Variants in CNTN5 observed in about 807,000 individuals in gnomAD.
The protein encoded by CNTN5 is contactin 5.
Under a neutral mutation model 129.1 loss-of-function variants are expected in CNTN5, and 77 were observed. That is an observed-to-expected ratio of 0.60 (90% confidence interval 0.50 to 0.72). CNTN5 has a LOEUF of 0.72. Among genes scored for constraint, CNTN5 ranks in the 30% least tolerant of loss-of-function variants. The pLI is 0.00. For synonymous variants in CNTN5, 509 were observed against 465.6 expected, an observed-to-expected ratio of 1.09 and a Z score of -1.20; for missense variants, 1,478 against 1,328.8, an observed-to-expected ratio of 1.11 and a Z score of -1.75.
At chr11:99,598,292 T>TCCC (rs1565335467) in intron 3 of CNTN5, among the ~76,000 whole-genome samples, 1 of 5,406 alleles carries the variant, frequency 1.8e-4, no homozygotes, top group Non-Finnish European at 6.3e-4. Context: ...TTCTTTTCTT[T>TCCC]TCTTTTCTTT....
intron 3 of CNTN5, among the ~76,000 whole-genome samples, chr11:99,764,987 C>A (rs184734948): frequency 6.6e-6 from 1 of 152,060 alleles, no homozygotes; most frequent in African/African-American, 2.4e-5. Context: ...TCACATATAT[C>A]TACTGTATCA....
intron 6 of CNTN5, among the ~76,000 whole-genome samples, chr11:99,850,050 A>G (rs143695220): frequency 2.6e-4 from 39 of 152,244 alleles, no homozygotes; most frequent in South Asian, 6.2e-4. Flanking sequence ...GCATGCAATC[A>G]TAGTGTTCTG....
At chr11:99,347,198 G>A (rs897618532) in intron 2 of CNTN5, among the ~76,000 whole-genome samples, 1 of 152,086 alleles carries the variant, frequency 6.6e-6, no homozygotes, top group African/African-American at 2.4e-5. Flanking sequence ...TTATTCTCTA[G>A]GCCATGTCTT....
At chr11:99,839,945 A>G (rs1947428483) in intron 4 of CNTN5, among the ~76,000 whole-genome samples, 1 of 152,090 alleles carries the variant, frequency 6.6e-6, no homozygotes, top group South Asian at 2.1e-4. Context: ...AATTTTCCTG[A>G]AAAAGAAAGT....
chr11:100,337,123 GT>G, intron 21 of CNTN5: 1 of 1,414,170 alleles, frequency 7.1e-7, no homozygotes, highest in Non-Finnish European at 1.0e-6. Flanking sequence ...AACCAACATT[GT>G]TTACAAAATA....
At chr11:99,786,965 A>G (rs1945548940) in intron 3 of CNTN5, among the ~76,000 whole-genome samples, 1 of 152,176 alleles carries the variant, frequency 6.6e-6, no homozygotes, top group Admixed American at 6.5e-5. Flanking sequence ...TATTTAGATA[A>G]CTTCTTAGAA....
chr11:100,093,428 GT>G (rs1271441108), intron 13 of CNTN5, among the ~76,000 whole-genome samples: 5 of 151,904 alleles, frequency 3.3e-5, no homozygotes, highest in African/African-American at 1.2e-4. Flanking sequence ...GCCCAGCTAA[GT>G]TTTTATTATT....
At chr11:99,437,196 T>G (rs371841332) in intron 2 of CNTN5, among the ~76,000 whole-genome samples, 20 of 152,304 alleles carry the variant, frequency 1.3e-4, no homozygotes, top group African/African-American at 4.8e-4. Context: ...GAGCGGTCGC[T>G]TACACCATGC....
At chr11:99,519,192 C>T (rs1947175360) in intron 2 of CNTN5, among the ~76,000 whole-genome samples, 1 of 151,874 alleles carries the variant, frequency 6.6e-6, no homozygotes, top group Non-Finnish European at 1.5e-5. Context: ...CTGTGGAATT[C>T]CCTTTTATTG....
intron 9 of CNTN5, among the ~76,000 whole-genome samples, chr11:100,060,807 T>C (rs1160464079): frequency 6.6e-6 from 1 of 151,832 alleles, no homozygotes; most frequent in African/African-American, 2.4e-5. Flanking sequence ...GCCTGGCTAA[T>C]TTTTGTATTT....
chr11:99,202,358 C>T (rs1238930301), intron 1 of CNTN5, among the ~76,000 whole-genome samples: 1 of 152,110 alleles, frequency 6.6e-6, no homozygotes, highest in Non-Finnish European at 1.5e-5. Context: ...ATATCAAAGT[C>T]CTTTAACATG....
intron 23 of CNTN5, among the ~76,000 whole-genome samples, chr11:100,341,797 T>TG (rs908680349): frequency 6.6e-6 from 1 of 152,110 alleles, no homozygotes; most frequent in Non-Finnish European, 1.5e-5. Context: ...TAAATATATG[T>TG]GATCTATGTA....
At chr11:99,316,105 C>G (rs1275886317) in intron 1 of CNTN5, among the ~76,000 whole-genome samples, 1 of 151,804 alleles carries the variant, frequency 6.6e-6, no homozygotes, top group African/African-American at 2.4e-5. Context: ...TGATTATGAA[C>G]GCGGGTAGCA....
chr11:99,645,115 C>T (rs1377666178), intron 3 of CNTN5, among the ~76,000 whole-genome samples: 1 of 76,986 alleles, frequency 1.3e-5, no homozygotes, highest in Admixed American at 1.4e-4. Flanking sequence ...AAAAAAAAAG[C>T]CAGGCGTGAT....
intron 1 of CNTN5, among the ~76,000 whole-genome samples, chr11:99,294,398 G>A (rs1462512126): frequency 6.6e-6 from 1 of 151,986 alleles, no homozygotes; most frequent in Non-Finnish European, 1.5e-5. Flanking sequence ...AAAGAAATTA[G>A]GAAAGCAATC....
At chr11:99,817,529 T>C (rs566434614) in intron 3 of CNTN5, among the ~76,000 whole-genome samples, 2 of 151,982 alleles carry the variant, frequency 1.3e-5, no homozygotes, top group Admixed American at 1.3e-4. Context: ...ATTATTCTTA[T>C]CTGGCTTTAA....
At chr11:99,554,884 A>C (rs549681117) in intron 2 of CNTN5, among the ~76,000 whole-genome samples, 1 of 152,182 alleles carries the variant, frequency 6.6e-6, no homozygotes, top group Non-Finnish European at 1.5e-5. Flanking sequence ...GTTATTTAGT[A>C]CTTTGAATTA....
rs2135403796 is a variant in CNTN5 at position 99,119,766 on chromosome 11, C to T, written c.-210+98496C>T. Among the ~76,000 whole-genome samples the T allele has an allele frequency of 2.0e-5, 3 of 152,134 alleles. No individual in the cohort carries two copies. The South Asian group carries it at 6.2e-4, about 32-fold the overall frequency. ...TACACTCCCACCAACAACATATTAG[C>T]ATTATTTTTCTCCACAACCCCACCA... On this transcript the variant is annotated intron_variant, in intron 1 of 24. Coordinates refer to ENST00000524871, the MANE Select transcript of CNTN5 (RefSeq NM_014361.4).
At chr11:99,146,367 T>C (rs1282473135) in intron 1 of CNTN5, among the ~76,000 whole-genome samples, 3 of 152,176 alleles carry the variant, frequency 2.0e-5, no homozygotes, top group Non-Finnish European at 4.4e-5. Flanking sequence ...ATTTGGCCTT[T>C]GTTCATATTT....
Sources: allele counts gnomAD v4.1 joint callset (sites outside exome capture counted in the v4.1 genomes callset), GRCh38; gene constraint gnomAD v4.1.1; transcripts MANE v1.5; gene names NCBI Gene and HGNC (gene_info 2026-07-23, HGNC 2026-07-21).